CSMD1: variants seen among roughly 807,000 people sequenced by gnomAD.
CSMD1 encodes CUB and sushi domain-containing protein 1.
Under a neutral mutation model 417.5 loss-of-function variants are expected in CSMD1, and 213 were observed. The ratio of observed to expected loss-of-function variants is 0.51; its 90% CI spans 0.46 to 0.57. The LOEUF (loss-of-function observed/expected upper bound fraction) is 0.57. Ranked by LOEUF, CSMD1 falls within the 20% of genes least tolerant of loss-of-function variation. The probability of loss-of-function intolerance (pLI) is 0.00; values close to 1 mark genes in which losing one functional copy is unlikely to be tolerated. For missense variants in CSMD1, 6,923 were observed against 4,529.7 expected, an observed-to-expected ratio of 1.53 and a Z score of -15.17; for synonymous variants, 2,862 against 1,736.8, an observed-to-expected ratio of 1.65 and a Z score of -16.11.
intron 2 of CSMD1, among the ~76,000 whole-genome samples, chr8:4,562,506 G>A (rs772616269): frequency 6.6e-6 from 1 of 152,046 alleles, no homozygotes; most frequent in East Asian, 1.9e-4. Flanking sequence ...AAACAAACCT[G>A]GAGTCAGTAA....
Position 4,094,145 on chromosome 8 carries a change from G to C in CSMD1, c.416-62046C>G, listed in dbSNP as rs563782269. On this transcript the variant is annotated intron_variant, in intron 3 of 69. Transcript: ENST00000635120. ...GTGCCTCCGTGTGTGGGGGGGATGAGGGGACACAGCCGTGCACACGAATGT... is the reference window on the plus strand; with the variant it reads ...GTGCCTCCGTGTGTGGGGGGGATGACGGGACACAGCCGTGCACACGAATGT... Among the ~76,000 whole-genome samples the C allele has an allele frequency of 2.6e-5, 4 of 152,192 alleles. No homozygotes were observed. In the South Asian group the frequency reaches 8.3e-4, roughly 32 times the overall value.
At chr8:3,230,321 TC>T in intron 26 of CSMD1, 90 bp from the exon 27 acceptor site, 3 of 1,009,040 alleles carry the variant, frequency 3.0e-6, no homozygotes, top group Non-Finnish European at 4.2e-6. Context: ...GTTGAAGCAC[TC>T]TTCATTGGCC....
intron 5 of CSMD1, among the ~76,000 whole-genome samples, chr8:3,830,125 T>C (rs1214887570): frequency 6.6e-6 from 1 of 152,176 alleles, no homozygotes; most frequent in East Asian, 1.9e-4. Flanking sequence ...GGAGAGTAAT[T>C]TCTCTGATAT....
chr8:3,514,838 T>C (rs543864910), intron 10 of CSMD1, among the ~76,000 whole-genome samples: 2 of 152,272 alleles, frequency 1.3e-5, no homozygotes, highest in Non-Finnish European at 1.5e-5. Flanking sequence ...AAACAACATA[T>C]TGCTGATAAT....
intron 54 of CSMD1, among the ~76,000 whole-genome samples, chr8:2,989,695 T>C (rs1439688007): frequency 6.6e-6 from 1 of 152,208 alleles, no homozygotes; most frequent in African/African-American, 2.4e-5. Context: ...GAGGTGTTTT[T>C]AATTTCTTCT....
At chr8:4,025,911 T>C (rs938775654) in intron 4 of CSMD1, among the ~76,000 whole-genome samples, 5 of 152,086 alleles carry the variant, frequency 3.3e-5, no homozygotes, top group Non-Finnish European at 7.4e-5. Context: ...GTGTCATTAT[T>C]CAGGGAAAAT....
intron 1 of CSMD1, among the ~76,000 whole-genome samples, chr8:4,726,625 G>A (rs1041896904): frequency 6.6e-6 from 1 of 152,124 alleles, no homozygotes; most frequent in Non-Finnish European, 1.5e-5. Flanking sequence ...TAGAAACCCT[G>A]AATCATTATT....
intron 4 of CSMD1, among the ~76,000 whole-genome samples, chr8:4,014,615 T>G (rs1796434614): frequency 6.6e-6 from 1 of 152,174 alleles, no homozygotes; most frequent in African/African-American, 2.4e-5. Flanking sequence ...AAAGTAATAT[T>G]AGCCCAACTT....
At chr8:4,915,225 A>G (rs978422914) in intron 1 of CSMD1, among the ~76,000 whole-genome samples, 13 of 152,252 alleles carry the variant, frequency 8.5e-5, no homozygotes, top group African/African-American at 2.9e-4. Context: ...CATAACATAT[A>G]TATAAAATAT....
At chr8:4,406,353 GGAAA>G (rs1805020522) in intron 3 of CSMD1, among the ~76,000 whole-genome samples, 1 of 151,984 alleles carries the variant, frequency 6.6e-6, no homozygotes, top group African/African-American at 2.4e-5. Flanking sequence ...CAGAATTTAG[GGAAA>G]GAGAGATGAC....
chr8:3,999,540 C>T (rs1815493151), intron 4 of CSMD1, among the ~76,000 whole-genome samples: 1 of 152,134 alleles, frequency 6.6e-6, no homozygotes, highest in Non-Finnish European at 1.5e-5. Flanking sequence ...ATATAGGTCC[C>T]TTCAAATTAG....
intron 7 of CSMD1, among the ~76,000 whole-genome samples, chr8:3,657,610 C>T (rs951883380): frequency 1.3e-5 from 2 of 152,096 alleles, no homozygotes; most frequent in African/African-American, 4.8e-5. Flanking sequence ...AAACCAAACA[C>T]TGCATATTCT....
At chr8:3,229,135 C>G (rs1445381487) in intron 27 of CSMD1, among the ~76,000 whole-genome samples, 3 of 152,042 alleles carry the variant, frequency 2.0e-5, no homozygotes, top group Non-Finnish European at 4.4e-5. Context: ...GCTGTGTACA[C>G]GACAATAAAA....
chr8:3,063,823 A>T (rs966972532), intron 49 of CSMD1, among the ~76,000 whole-genome samples: 1 of 152,172 alleles, frequency 6.6e-6, no homozygotes, highest in Admixed American at 6.5e-5. Context: ...GGGCTGGAGG[A>T]GGAGGAATGG....
At chr8:3,482,674 A>C (rs747382163) in intron 11 of CSMD1, among the ~76,000 whole-genome samples, 1 of 152,208 alleles carries the variant, frequency 6.6e-6, no homozygotes, top group East Asian at 1.9e-4. Context: ...AACTCAATAC[A>C]CATGTTTTTC....
chr8:4,156,441 A>G (rs1328493578), intron 3 of CSMD1, among the ~76,000 whole-genome samples: 5 of 152,188 alleles, frequency 3.3e-5, no homozygotes, highest in Non-Finnish European at 7.3e-5. Flanking sequence ...AGAAAGGATA[A>G]ATATGCTATT....
At chr8:3,506,571 T>C (rs1420258470) in intron 10 of CSMD1, among the ~76,000 whole-genome samples, 1 of 152,234 alleles carries the variant, frequency 6.6e-6, no homozygotes, top group Admixed American at 6.5e-5. Context: ...CTTTCATTCA[T>C]CTTCAACCAC....
At chr8:4,411,065 G>C (rs545674734) in intron 3 of CSMD1, among the ~76,000 whole-genome samples, 6 of 151,976 alleles carry the variant, frequency 3.9e-5, no homozygotes, top group Admixed American at 3.9e-4. Context: ...CACTCCACCC[G>C]TTTATGAGGA....
intron 5 of CSMD1, among the ~76,000 whole-genome samples, chr8:3,845,844 T>G (rs1803468411): frequency 6.6e-6 from 1 of 152,028 alleles, no homozygotes. Flanking sequence ...TTTTTTTTAC[T>G]TTCTATACTT....
Sources: gnomAD v4.1 joint callset for allele counts (sites outside exome capture counted in the v4.1 genomes callset) on GRCh38, gnomAD v4.1.1 for gene constraint, MANE v1.5 for transcripts, NCBI Gene and HGNC (gene_info 2026-07-23, HGNC 2026-07-21) for gene names.